The following ITPK1 variants were observed in gnomAD, a reference collection of about 807,000 sequenced individuals.
ITPK1 encodes inositol-tetrakisphosphate 1-kinase.
A neutral mutation model predicts 45.3 loss-of-function variants in ITPK1; 21 were observed. The observed-to-expected ratio is 0.46, with a 90% CI of 0.33 to 0.67. ITPK1 has a LOEUF of 0.67. Ranked by LOEUF, ITPK1 falls within the 30% of genes least tolerant of loss-of-function variation. The pLI is 0.02. For missense variants in ITPK1, 474 were observed against 573.5 expected (o/e 0.83, Z 1.77); for synonymous variants, 258 against 253.6 (o/e 1.02, Z -0.16).
At chr14:92,951,579 A>C (rs560641579) in intron 9 of ITPK1, among the ~76,000 whole-genome samples, 1 of 152,290 alleles carries the variant, frequency 6.6e-6, no homozygotes, top group East Asian at 1.9e-4. Context: ...CTGCCTCCAC[A>C]GCCTTTTTGA....
chr14:92,974,632 T>A (rs755449329), intron 5 of ITPK1, among the ~76,000 whole-genome samples: 25 of 152,316 alleles, frequency 1.6e-4, no homozygotes, highest in South Asian at 4.1e-4. Flanking sequence ...GCATCTCTCA[T>A]GGGCATCGGG....
At chr14:93,021,628 G>A (rs1888472603) in intron 3 of ITPK1, among the ~76,000 whole-genome samples, 1 of 149,978 alleles carries the variant, frequency 6.7e-6, no homozygotes, top group African/African-American at 2.5e-5. Context: ...AAAGAAACGA[G>A]CTTGGCCTCA....
chr14:92,960,344 C>T (rs1177097882), intron 7 of ITPK1, among the ~76,000 whole-genome samples: 2 of 152,186 alleles, frequency 1.3e-5, no homozygotes, highest in Non-Finnish European at 2.9e-5. Flanking sequence ...ATCCAGAACC[C>T]CCATCCCCTT....
intron 2 of ITPK1, among the ~76,000 whole-genome samples, chr14:93,098,007 T>A (rs1425238498): frequency 6.6e-6 from 1 of 151,210 alleles, no homozygotes; most frequent in Non-Finnish European, 1.5e-5. Context: ...CAAAACTCCA[T>A]CTCAAAAAAA....
intron 2 of ITPK1, among the ~76,000 whole-genome samples, chr14:93,085,945 C>T (rs1891634569): frequency 6.6e-6 from 1 of 152,144 alleles, no homozygotes; most frequent in Non-Finnish European, 1.5e-5. Flanking sequence ...GGGGTGCTGG[C>T]AGGCTTGGTT....
At chr14:93,107,411 G>A (rs934112918) in intron 2 of ITPK1, among the ~76,000 whole-genome samples, 4 of 152,254 alleles carry the variant, frequency 2.6e-5, no homozygotes, top group African/African-American at 7.2e-5. Context: ...AAGTCAGAGA[G>A]GAAGAACAGG....
chr14:93,006,640 C>T (rs1595130996), intron 4 of ITPK1, among the ~76,000 whole-genome samples: 1 of 152,168 alleles, frequency 6.6e-6, no homozygotes, highest in South Asian at 2.1e-4. Context: ...CACTTAGCCG[C>T]CTGGCATGTG....
chr14:92,960,864 A>G (rs1183178895), intron 7 of ITPK1, among the ~76,000 whole-genome samples: 2 of 152,206 alleles, frequency 1.3e-5, no homozygotes, highest in African/African-American at 4.8e-5. Flanking sequence ...CCAGGCACAG[A>G]GCCCAGGTAG....
intron 2 of ITPK1, among the ~76,000 whole-genome samples, chr14:93,106,684 C>T (rs557356813): frequency 1.3e-5 from 2 of 152,326 alleles, no homozygotes; most frequent in South Asian, 2.1e-4. Context: ...GCAGCATTTC[C>T]AGTGCATCTG....
chr14:93,084,122 C>T (rs1480739992), intron 2 of ITPK1, among the ~76,000 whole-genome samples: 1 of 152,210 alleles, frequency 6.6e-6, no homozygotes, highest in African/African-American at 2.4e-5. Flanking sequence ...CCGAGGCCTC[C>T]CTGACCTCAG....
At chr14:93,066,240 G>A (rs993999674) in intron 3 of ITPK1, 3 of 455,758 alleles carry the variant, frequency 6.6e-6, no homozygotes, top group African/African-American at 6.0e-5. Flanking sequence ...AGACCAGCAA[G>A]TCCCAGCCTC....
chr14:92,945,064 AC>A (rs1219664656), intron 10 of ITPK1, among the ~76,000 whole-genome samples: 1 of 151,936 alleles, frequency 6.6e-6, no homozygotes, highest in African/African-American at 2.4e-5. Context: ...CAGTGTCACC[AC>A]CTCACAGAGG....
chr14:92,961,100 G>GT (rs1275953972), intron 7 of ITPK1, among the ~76,000 whole-genome samples: 1 of 152,234 alleles, frequency 6.6e-6, no homozygotes, highest in African/African-American at 2.4e-5. Context: ...CCTTTTAGTC[G>GT]TGAGCTCTGG....
At chr14:93,053,558 G>A (rs1021187532) in intron 3 of ITPK1, among the ~76,000 whole-genome samples, 2 of 152,222 alleles carry the variant, frequency 1.3e-5, no homozygotes, top group African/African-American at 4.8e-5. Context: ...GTATGGTAAT[G>A]GTAGATGCAG....
At chr14:92,973,417 T>C (rs1471654068) in intron 5 of ITPK1, among the ~76,000 whole-genome samples, 2 of 152,220 alleles carry the variant, frequency 1.3e-5, no homozygotes, top group African/African-American at 4.8e-5. Flanking sequence ...GGCCACCCTG[T>C]GGCGCTGTGG....
chr14:93,095,099 G>A (rs1326623522), intron 2 of ITPK1, among the ~76,000 whole-genome samples: 1 of 152,100 alleles, frequency 6.6e-6, no homozygotes, highest in East Asian at 1.9e-4. Context: ...CTCTGTCTCC[G>A]CACCAACTGG....
rs888643098 is a variant in ITPK1 at position 92,938,725 on chromosome 14, G to T, written c.*2836C>A. On this transcript the variant is annotated 3_prime_UTR_variant, in exon 11 of 11. Coordinates refer to ENST00000267615, the MANE Select transcript of ITPK1 (RefSeq NM_014216.6). ...CCCAGACACCTCCATGACACCAAGG[G>T]CAAAGCACCAGTTCCAGGGTGGCCT... The T allele has an allele frequency of 7.6e-5, 46 of 603,712 alleles. No individual in the cohort carries two copies. Among genetic ancestry groups the T allele is most frequent in the Middle Eastern group, 8.7e-4 (2 of 2,288 alleles). 37.4% of individuals were successfully genotyped at this position (603,712 alleles called of 1,614,324 possible). A position where few individuals can be genotyped will look rare whatever the true frequency, so the allele number is the denominator to read the frequency against.
intron 2 of ITPK1, among the ~76,000 whole-genome samples, chr14:93,091,539 G>A (rs1029042803): frequency 2.6e-5 from 4 of 152,212 alleles, no homozygotes; most frequent in Non-Finnish European, 5.9e-5. Context: ...ATGTCAACAA[G>A]GATGGCTTCA....
intron 5 of ITPK1, among the ~76,000 whole-genome samples, chr14:92,965,180 T>G (rs566319574): frequency 6.6e-6 from 1 of 152,320 alleles, no homozygotes; most frequent in South Asian, 2.1e-4. Flanking sequence ...CATGCTACTC[T>G]GCTCTGTGGC....
Sources: allele counts gnomAD v4.1 joint callset (sites outside exome capture counted in the v4.1 genomes callset), GRCh38; gene constraint gnomAD v4.1.1; transcripts MANE v1.5; gene names NCBI Gene and HGNC (gene_info 2026-07-23, HGNC 2026-07-21).